Variants in RCAN2 observed in about 807,000 individuals in gnomAD.
RCAN2 encodes the protein calcipressin-2.
RCAN2 carries 9 observed loss-of-function variants against 23.6 expected under a neutral mutation model. The observed-to-expected ratio is 0.38, with a 90% confidence interval of 0.23 to 0.67. RCAN2 has a LOEUF of 0.67. Ranked by LOEUF, RCAN2 falls within the 30% of genes least tolerant of loss-of-function variation. The pLI is 0.51. For synonymous variants in RCAN2, 109 were observed against 115.7 expected (o/e 0.94, Z 0.37); for missense variants, 273 against 302.3 (o/e 0.90, Z 0.72).
intron 2 of RCAN2, among the ~76,000 whole-genome samples, chr6:46,385,177 C>A (rs567897819): frequency 6.6e-6 from 1 of 152,286 alleles, no homozygotes; most frequent in South Asian, 2.1e-4. Context: ...TTGCTTCAAA[C>A]CATTTTAAAG....
chr6:46,350,063 CA>C (rs1764599205), intron 2 of RCAN2, among the ~76,000 whole-genome samples: 1 of 152,190 alleles, frequency 6.6e-6, no homozygotes. Flanking sequence ...CCACCTATCA[CA>C]TCATAGTTTT....
rs969125563 is a variant in RCAN2, at chr6:46,223,066, A to AT, written c.*74dup. On this transcript the variant is annotated 3_prime_UTR_variant, in exon 5 of 5. Transcript: ENST00000371374. ...CCAAACACCCAGGAATTTAAAGGCA[A>AT]TTTTTTTTGACAAACAACAGGGGGA... is the stretch of plus-strand genomic sequence containing the variant. 171 of 1,522,468 alleles carry AT rather than the reference A, an allele frequency of 1.1e-4. No homozygotes were observed. The highest frequency in any genetic ancestry group is 2.9e-4 in the African/African-American group (21 of 71,948). The allele number at this position is 1,522,468 out of a possible 1,614,324, so 94.3% of individuals were successfully genotyped here. A position where few individuals can be genotyped will look rare whatever the true frequency, so the allele number is the denominator to read the frequency against.
intron 2 of RCAN2, among the ~76,000 whole-genome samples, chr6:46,419,343 G>C (rs1049350177): frequency 6.6e-6 from 1 of 152,076 alleles, no homozygotes; most frequent in African/African-American, 2.4e-5. Flanking sequence ...GATTCTGCTA[G>C]AGCTTGAGAA....
intron 3 of RCAN2, among the ~76,000 whole-genome samples, chr6:46,248,369 A>G (rs1033305946): frequency 2.6e-5 from 4 of 152,240 alleles, no homozygotes; most frequent in African/African-American, 9.6e-5. Context: ...TCTTATTATA[A>G]CTACTAGCGG....
At chr6:46,387,877 G>A (rs1765802727) in intron 2 of RCAN2, among the ~76,000 whole-genome samples, 1 of 152,146 alleles carries the variant, frequency 6.6e-6, no homozygotes, top group South Asian at 2.1e-4. Flanking sequence ...TGATAGACTG[G>A]ATTAAGAAAA....
At chr6:46,263,487 G>GTGTA (rs1476156313) in intron 2 of RCAN2, among the ~76,000 whole-genome samples, 31 of 142,654 alleles carry the variant, frequency 2.2e-4, no homozygotes, top group African/African-American at 5.5e-4. Flanking sequence ...GTGTGTGTGT[G>GTGTA]TGTGTGTATG....
At chr6:46,432,074 A>G (rs1483522795) in intron 2 of RCAN2, among the ~76,000 whole-genome samples, 1 of 152,258 alleles carries the variant, frequency 6.6e-6, no homozygotes, top group African/African-American at 2.4e-5. Flanking sequence ...CTAATGAATT[A>G]CACAATGTTC....
At chr6:46,284,203 T>A (rs1446959285) in intron 2 of RCAN2, among the ~76,000 whole-genome samples, 1 of 152,130 alleles carries the variant, frequency 6.6e-6, no homozygotes, top group East Asian at 1.9e-4. Flanking sequence ...GGTGAAAGGT[T>A]AAGAACTCAA....
chr6:46,412,269 G>A (rs1398258614), intron 2 of RCAN2, among the ~76,000 whole-genome samples: 1 of 152,160 alleles, frequency 6.6e-6, no homozygotes, highest in Non-Finnish European at 1.5e-5. Context: ...GATGTGGTGA[G>A]GAAAACGAGC....
chr6:46,336,784 C>T (rs2150370120), intron 2 of RCAN2, among the ~76,000 whole-genome samples: 1 of 152,100 alleles, frequency 6.6e-6, no homozygotes, highest in South Asian at 2.1e-4. Flanking sequence ...AAACTCTTGC[C>T]AGAGGCAATA....
At chr6:46,270,426 C>T (rs1767485275) in intron 2 of RCAN2, among the ~76,000 whole-genome samples, 1 of 152,172 alleles carries the variant, frequency 6.6e-6, no homozygotes, top group Admixed American at 6.5e-5. Flanking sequence ...TTCCCCTCGG[C>T]TCTTCGAGGT....
At chr6:46,403,810 T>C (rs1296044936) in intron 2 of RCAN2, among the ~76,000 whole-genome samples, 1 of 152,194 alleles carries the variant, frequency 6.6e-6, no homozygotes, top group East Asian at 1.9e-4. Context: ...AAAAAAGTTT[T>C]ATAAAAAACT....
chr6:46,312,133 G>A (rs1332953898), intron 2 of RCAN2, among the ~76,000 whole-genome samples: 3 of 152,108 alleles, frequency 2.0e-5, no homozygotes, highest in African/African-American at 7.2e-5. Flanking sequence ...CTATGAAGCT[G>A]TAACTCATGG....
chr6:46,337,915 G>A (rs1174728343), intron 2 of RCAN2, among the ~76,000 whole-genome samples: 1 of 152,100 alleles, frequency 6.6e-6, no homozygotes, highest in Non-Finnish European at 1.5e-5. Context: ...TAACATTCTG[G>A]TGAAAAAGCC....
At chr6:46,475,901 A>G (rs1386478823) in intron 1 of RCAN2, among the ~76,000 whole-genome samples, 1 of 152,184 alleles carries the variant, frequency 6.6e-6, no homozygotes, top group Non-Finnish European at 1.5e-5. Flanking sequence ...ATCACCCAAA[A>G]TGGGTCTTCT....
intron 2 of RCAN2, among the ~76,000 whole-genome samples, chr6:46,310,949 A>G (rs567354823): frequency 2.0e-5 from 3 of 152,348 alleles, no homozygotes; most frequent in African/African-American, 7.2e-5. Context: ...TAGACTCAGT[A>G]GAACTTAAGG....
At chr6:46,311,278 T>C (rs987656829) in intron 2 of RCAN2, among the ~76,000 whole-genome samples, 2 of 152,188 alleles carry the variant, frequency 1.3e-5, no homozygotes, top group Admixed American at 6.5e-5. Context: ...CCCATGGCTG[T>C]ATCATGGGTT....
At chr6:46,477,599 G>A (rs1421344935) in intron 1 of RCAN2, among the ~76,000 whole-genome samples, 1 of 152,044 alleles carries the variant, frequency 6.6e-6, no homozygotes, top group Admixed American at 6.6e-5. Flanking sequence ...CACAAAATAG[G>A]TTCTAGATAA....
intron 4 of RCAN2, among the ~76,000 whole-genome samples, chr6:46,229,647 G>T (rs573014075): frequency 1.3e-5 from 2 of 152,248 alleles, no homozygotes; most frequent in East Asian, 3.9e-4. Context: ...TCTCTATGCT[G>T]TTTATTCTAG....
Sources: gnomAD v4.1 joint callset for allele counts (sites outside exome capture counted in the v4.1 genomes callset) on GRCh38, gnomAD v4.1.1 for gene constraint, MANE v1.5 for transcripts, NCBI Gene and HGNC (gene_info 2026-07-23, HGNC 2026-07-21) for gene names.